Variants in GNG4 observed in about 807,000 individuals in gnomAD.
The protein encoded by GNG4 is G protein subunit gamma 4.
In GNG4, 4 loss-of-function variants were observed where a neutral mutation model predicts 5.8. The ratio of observed to expected loss-of-function variants is 0.69; its 90% CI spans 0.34 to 1.57. The LOEUF is 1.57. GNG4 is among the 40% of genes most tolerant of loss of function. GNG4 has a pLI of 0.06. For missense variants in GNG4, 96 were observed against 95.1 expected, an observed-to-expected ratio of 1.01 and a Z score of -0.04; for synonymous variants, 29 against 32.9, an observed-to-expected ratio of 0.88 and a Z score of 0.41.
intron 1 of GNG4, among the ~76,000 whole-genome samples, chr1:235,625,242 T>G (rs1688786389): frequency 6.6e-6 from 1 of 152,220 alleles, no homozygotes; most frequent in South Asian, 2.1e-4. Flanking sequence ...CTAGCCTTCT[T>G]CTGCAAACTT....
chr1:235,645,711 C>T (rs920589290), intron 1 of GNG4, among the ~76,000 whole-genome samples: 1 of 147,740 alleles, frequency 6.8e-6, no homozygotes, highest in Admixed American at 6.9e-5. Flanking sequence ...GCAGGAGAAT[C>T]GCTTGAGCCC....
chr1:235,573,202 T>C (rs1289897932), intron 3 of GNG4, among the ~76,000 whole-genome samples: 4 of 151,792 alleles, frequency 2.6e-5, no homozygotes, highest in African/African-American at 9.7e-5. Flanking sequence ...CTGGAAACCA[T>C]CATTCTGAGC....
chr1:235,645,550 C>T (rs949830163), intron 1 of GNG4, among the ~76,000 whole-genome samples: 4 of 152,160 alleles, frequency 2.6e-5, no homozygotes, highest in African/African-American at 9.7e-5. Flanking sequence ...GTAATCCCAG[C>T]ACTCTGGGAG....
chr1:235,560,701 C>T (rs964932673), intron 3 of GNG4, among the ~76,000 whole-genome samples: 3 of 152,214 alleles, frequency 2.0e-5, no homozygotes, highest in South Asian at 2.1e-4. Flanking sequence ...ACCAGATCAT[C>T]CCCATGAATA....
chr1:235,577,695 T>TC (rs1687522909), intron 3 of GNG4, among the ~76,000 whole-genome samples: 2 of 152,124 alleles, frequency 1.3e-5, no homozygotes, highest in African/African-American at 4.8e-5. Context: ...CGCCCTGGCC[T>TC]CCCAAAGTGC....
intron 2 of GNG4, among the ~76,000 whole-genome samples, chr1:235,595,013 A>G (rs147590034): frequency 2.0e-5 from 3 of 152,162 alleles, no homozygotes; most frequent in Non-Finnish European, 4.4e-5. Flanking sequence ...TGAGTGGTGG[A>G]CCTCCTTTCA....
intron 2 of GNG4, among the ~76,000 whole-genome samples, chr1:235,588,546 C>G (rs901863725): frequency 2.0e-5 from 3 of 152,106 alleles, no homozygotes; most frequent in African/African-American, 7.2e-5. Context: ...ATGGACCCAA[C>G]TCCTCCCCTC....
chr1:235,571,786 C>T (rs1490842990), intron 3 of GNG4, among the ~76,000 whole-genome samples: 1 of 152,104 alleles, frequency 6.6e-6, no homozygotes, highest in Non-Finnish European at 1.5e-5. Flanking sequence ...CTATAGATTA[C>T]AGGGTATAGC....
At position 235,642,767 on chromosome 1, in the gene GNG4, C is replaced by G. The variant is rs909925874; in HGVS notation, c.-123+6895G>C. On this transcript the variant is annotated intron_variant, in intron 1 of 3. Transcript: ENST00000391854. The surrounding 1 kb of genome is among the most constrained non-coding windows in gnomAD (Gnocchi z 4.3). The stretch of plus-strand genomic sequence containing the variant: ...CGCGGGCCTCCCTGCTGTCATCACA[C>G]CTCGGATCACCCCAGGCAATCTCGC... Among the ~76,000 whole-genome samples the G allele has an allele frequency of 3.3e-5, 5 of 152,182 alleles. No homozygotes were observed. The highest frequency in any genetic ancestry group is 9.7e-5 in the African/African-American group (4 of 41,446).
intron 1 of GNG4, among the ~76,000 whole-genome samples, chr1:235,645,662 T>G (rs1008983449): frequency 6.6e-6 from 1 of 151,890 alleles, no homozygotes; most frequent in Non-Finnish European, 1.5e-5. Flanking sequence ...CCGGGCGCGG[T>G]GGCACATGCC....
At chr1:235,572,735 A>G (rs946398014) in intron 3 of GNG4, among the ~76,000 whole-genome samples, 4 of 144,568 alleles carry the variant, frequency 2.8e-5, no homozygotes, top group Middle Eastern at 4.1e-3. Context: ...CCTGACCTCA[A>G]GTGATCTACC....
At chr1:235,573,154 A>C (rs1447124650) in intron 3 of GNG4, among the ~76,000 whole-genome samples, 1 of 152,024 alleles carries the variant, frequency 6.6e-6, no homozygotes, top group Non-Finnish European at 1.5e-5. Context: ...GCCATAAAAA[A>C]GGATGAGTTC....
rs12129396 is a variant in GNG4, at chr1:235,644,652, G to A, written c.-123+5010C>T. Among the ~76,000 whole-genome samples the A allele has an allele frequency of 2.0e-5, 3 of 152,216 alleles. No homozygotes were observed. The highest frequency in any genetic ancestry group is 4.4e-5 in the Non-Finnish European group (3 of 68,042). ...GATACGCAAAGTTAACTGGGGCACA[G>A]AGAAAACAGAATTTTCCCAAGATTG... is the stretch of plus-strand genomic sequence containing the variant. On this transcript the variant is annotated intron_variant, in intron 1 of 3. Coordinates refer to ENST00000391854, the MANE Select transcript of GNG4 (RefSeq NM_001098722.2). This position sits in a 1 kb window ranked among gnomAD's most constrained non-coding sequence, Gnocchi z 5.9.
rs746969091 is a variant in GNG4, at chr1:235,611,532, T to G, written c.-122-16021A>C. Among the ~76,000 whole-genome samples the G allele has an allele frequency of 2.6e-5, 4 of 152,182 alleles. 1 individual carries two copies. Among genetic ancestry groups the G allele is most frequent in the Admixed American group, 2.0e-4 (3 of 15,272 alleles). On this transcript the variant is annotated intron_variant, in intron 1 of 3. Transcript: ENST00000391854. ...ACCAGCAGGAAGTCAGTGAGTAGAT[T>G]TGACCATTGGTTGGATGTATATCTG... is the stretch of plus-strand genomic sequence containing the variant.
chr1:235,567,123 G>A (rs189521704), intron 3 of GNG4, among the ~76,000 whole-genome samples: 2 of 151,916 alleles, frequency 1.3e-5, no homozygotes, highest in East Asian at 3.9e-4. Flanking sequence ...TAGTAGAGAT[G>A]TGGTCTCGCT....
At chr1:235,603,074 C>T (rs1448052409) in intron 1 of GNG4, among the ~76,000 whole-genome samples, 2 of 152,000 alleles carry the variant, frequency 1.3e-5, no homozygotes, top group Non-Finnish European at 2.9e-5. Flanking sequence ...GAAACCCTGT[C>T]TTTACTAAAA....
chr1:235,575,675 C>T (rs1396490697), intron 3 of GNG4, among the ~76,000 whole-genome samples: 1 of 152,226 alleles, frequency 6.6e-6, no homozygotes, highest in Non-Finnish European at 1.5e-5. Context: ...GCCATTCCAT[C>T]AGTTGCTTCT....
chr1:235,596,192 A>AAAAC (rs61439937), intron 1 of GNG4, among the ~76,000 whole-genome samples: 50,726 of 142,880 alleles, frequency 0.36, 13,035 homozygotes, highest in East Asian at 0.79. Flanking sequence ...AAACAAAACA[A>AAAAC]AAACAAACAA....
At chr1:235,565,680 CAT>C (rs1466974130) in intron 3 of GNG4, 8 of 152,262 alleles carry the variant, frequency 5.3e-5, no homozygotes, top group Non-Finnish European at 1.2e-4. Context: ...GTCTGGCAAA[CAT>C]AGCGAGACCC....
Sources: gnomAD v4.1 joint callset for allele counts (sites outside exome capture counted in the v4.1 genomes callset) on GRCh38, gnomAD v4.1.1 for gene constraint, Gnocchi (gnomAD v3.1) non-coding constraint, MANE v1.5 for transcripts, NCBI Gene and HGNC (gene_info 2026-07-23, HGNC 2026-07-21) for gene names.